SPEF1: variants seen among roughly 807,000 people sequenced by gnomAD.
SPEF1 encodes sperm flagella and cilia-associated protein 1.
In SPEF1, 30 loss-of-function variants were observed where a neutral mutation model predicts 31.8. That is an observed-to-expected ratio of 0.94 (90% CI 0.70 to 1.28). The LOEUF is 1.28. SPEF1 is among the 50% of genes most tolerant of loss of function. SPEF1 has a pLI of 0.00. For missense variants in SPEF1, 298 were observed against 309.6 expected, an observed-to-expected ratio of 0.96 and a Z score of 0.28; for synonymous variants, 126 against 130.1, an observed-to-expected ratio of 0.97 and a Z score of 0.21.
intron 2 of SPEF1, 60 bp from the exon 3 acceptor site, chr20:3,779,412 G>A (rs968747035): frequency 6.9e-7 from 1 of 1,440,358 alleles, no homozygotes; most frequent in Non-Finnish European, 9.6e-7. Context: ...GAGGGGATGG[G>A]GGAGAGGGAA....
intron 4 of SPEF1, 69 bp downstream of exon 4, chr20:3,778,882 A>C: frequency 6.2e-7 from 1 of 1,610,968 alleles, no homozygotes; most frequent in East Asian, 2.2e-5. Flanking sequence ...TTCCACTCTC[A>C]CAAGTGACAG....
At chr20:3,779,922 G>T in intron 1 of SPEF1, 147 bp from the exon 2 acceptor site, 1 of 602,554 alleles carries the variant, frequency 1.7e-6, no homozygotes. Context: ...GGATAAGGAG[G>T]GAGACAAAGA....
intron 1 of SPEF1, among the ~76,000 whole-genome samples, chr20:3,780,959 C>A (rs532091917): frequency 1.3e-5 from 2 of 152,272 alleles, no homozygotes; most frequent in Non-Finnish European, 1.5e-5. Flanking sequence ...GCACCCCCCC[C>A]AACATGCACA....
At position 3,778,292 on chromosome 20, in the gene SPEF1, C is replaced by T; in HGVS notation, c.631G>A (p.Glu211Lys). The change falls in exon 7 of 7, where the codon GAG becomes AAG. Residue 211 changes from glutamate (E) to lysine (K), a missense_variant. Transcript: ENST00000379756. The stretch of plus-strand genomic sequence containing the variant: ...ACATTCTTGAGCTGGAGCAGGTGCT[C>T]CAGGCGCCTTACCTTCATCTGCAGG... ...QVLQMKVRRLEHLLQLKNVRI... is the reference protein window; with the variant it reads ...QVLQMKVRRLKHLLQLKNVRI... 1 of 1,612,508 alleles carries T rather than the reference C, an allele frequency of 6.2e-7. No homozygotes were observed. Among genetic ancestry groups the T allele is most frequent in the Non-Finnish European group, 8.5e-7 (1 of 1,179,024 alleles).
At chr20:3,779,125 C>T (rs1460291903) in intron 3 of SPEF1, 71 bp downstream of exon 3, 31 of 1,546,764 alleles carry the variant, frequency 2.0e-5, no homozygotes, top group Admixed American at 3.9e-5. Flanking sequence ...CCAGGCTGGC[C>T]TTTCTGTGGT....
intron 5 of SPEF1, 32 bp downstream of exon 5, chr20:3,778,714 C>T: frequency 1.9e-6 from 3 of 1,609,666 alleles, no homozygotes; most frequent in Non-Finnish European, 2.6e-6. Context: ...GATCACCAGC[C>T]TGGTGAAGTC....
intron 4 of SPEF1, 50 bp from the exon 5 acceptor site, chr20:3,778,856 G>T: frequency 6.2e-7 from 1 of 1,610,190 alleles, no homozygotes. Context: ...TCATTCTCCT[G>T]CTTCCCCCTC....
chr20:3,779,359 G>A lies in SPEF1; in HGVS notation c.222-7C>T. On this transcript the variant is annotated splice_polypyrimidine_tract_variant and splice_region_variant and intron_variant, in intron 2 of 6. Coordinates refer to ENST00000379756, the MANE Select transcript of SPEF1 (RefSeq NM_015417.5). ...CAGCCTCTTCAGTACCTTCCTGAGG[G>A]GTAGACATTGGGATAGCAGATTGGG... 2 of 1,586,734 alleles carry A rather than the reference G, an allele frequency of 1.3e-6. No homozygotes were observed. The highest frequency in any genetic ancestry group is 1.7e-6 in the Non-Finnish European group (2 of 1,160,370).
At chr20:3,779,389 G>A in intron 2 of SPEF1, 37 bp from the exon 3 acceptor site, 2 of 1,555,198 alleles carry the variant, frequency 1.3e-6, no homozygotes, top group African/African-American at 1.3e-5. Flanking sequence ...ATTGGGTCCT[G>A]GGGAAATGAA....
Position 3,781,290 on chromosome 20 carries a change from G to A in SPEF1, c.-3C>T, listed in dbSNP as rs141413015. On this transcript the variant is annotated 5_prime_UTR_variant, in exon 1 of 7. Coordinates refer to ENST00000379756, the MANE Select transcript of SPEF1 (RefSeq NM_015417.5). ...TCCTCGTCCACGCTGCTCGCCATTGGCGTCCTCACGGCCTGGCCGCCCCAG... is the reference window on the plus strand; with the variant it reads ...TCCTCGTCCACGCTGCTCGCCATTGACGTCCTCACGGCCTGGCCGCCCCAG... The A allele has an allele frequency of 8.8e-3, 14,248 of 1,613,250 alleles. 74 individuals carry two copies. Among genetic ancestry groups the A allele is most frequent in the Non-Finnish European group, 0.011 (12,484 of 1,179,714 alleles).
At position 3,778,180 on chromosome 20, in the gene SPEF1, C is replaced by G. The variant is rs1395525338; in HGVS notation, c.*32G>C. On this transcript the variant is annotated 3_prime_UTR_variant, in exon 7 of 7. Transcript: ENST00000379756. ...CGCGGCGTCGGGGCTCTGGCGGGTA[C>G]CCGGGCGTCCCCGCGCGGCCCGGGC... 6.8e-7 allele frequency: 1 copy of G among 1,468,414 alleles called. No homozygotes were observed. The highest frequency in any genetic ancestry group is 9.2e-7 in the Non-Finnish European group (1 of 1,089,622). The allele number at this position is 1,468,414 out of a possible 1,614,324, so 91.0% of individuals were successfully genotyped here.
chr20:3,778,312 T>G lies in SPEF1; in HGVS notation c.611A>C (p.Gln204Pro). The G allele has an allele frequency of 3.1e-6, 5 of 1,612,706 alleles. No individual in the cohort carries two copies. The highest frequency in any genetic ancestry group is 4.2e-6 in the Non-Finnish European group (5 of 1,179,036). Residue 204 changes from glutamine (Q) to proline (P), a missense_variant, in exon 7 of 7, where the codon CAG (glutamine) becomes CCG (proline). Coordinates refer to ENST00000379756, the MANE Select transcript of SPEF1 (RefSeq NM_015417.5). ...GTGCTCCAGGCGCCTTACCTTCATC[T>G]GCAGGACCTAAGCCGCACCGCGCAG... Reference protein sequence around the residue: ...LASQETVQVLQMKVRRLEHLL... With the variant: ...LASQETVQVLPMKVRRLEHLL...
In SPEF1 at chr20:3,779,359, G is replaced by C; in HGVS notation, c.222-7C>G. 1 of 1,586,734 alleles carries C rather than the reference G, an allele frequency of 6.3e-7. No individual in the cohort carries two copies. Among genetic ancestry groups the C allele is most frequent in the Non-Finnish European group, 8.6e-7 (1 of 1,160,370 alleles). The stretch of plus-strand genomic sequence containing the variant: ...CAGCCTCTTCAGTACCTTCCTGAGG[G>C]GTAGACATTGGGATAGCAGATTGGG... On this transcript the variant is annotated splice_polypyrimidine_tract_variant and splice_region_variant and intron_variant, in intron 2 of 6. Coordinates refer to ENST00000379756, the MANE Select transcript of SPEF1 (RefSeq NM_015417.5).
rs1295114390 is a variant in SPEF1 at position 3,778,079 on chromosome 20, A to G, written c.*133T>C. ...CTCACCCATCCCAAGGAAGGAGGGC[A>G]CTCGGGCCCCAGCAGGCTCGTGAGA... On this transcript the variant is annotated 3_prime_UTR_variant, in exon 7 of 7. Transcript: ENST00000379756. The G allele has an allele frequency of 1.4e-5, 9 of 650,982 alleles. No individual in the cohort carries two copies. The highest frequency in any genetic ancestry group is 2.0e-5 in the Non-Finnish European group (8 of 392,854). The allele number at this position is 650,982 out of a possible 1,614,324, so 40.3% of individuals were successfully genotyped here.
chr20:3,778,201 C>T lies in SPEF1; in HGVS notation c.*11G>A. 1 of 1,543,590 alleles carries T rather than the reference C, an allele frequency of 6.5e-7. No homozygotes were observed. The highest frequency in any genetic ancestry group is 1.9e-4 in the Middle Eastern group (1 of 5,338). On this transcript the variant is annotated 3_prime_UTR_variant, in exon 7 of 7. Coordinates refer to ENST00000379756, the MANE Select transcript of SPEF1 (RefSeq NM_015417.5). ...GGTACCCGGGCGTCCCCGCGCGGCC[C>T]GGGCCGCCGCTCACCGCTGCTTACG...
intron 2 of SPEF1, 132 bp downstream of exon 2, chr20:3,779,532 A>G: frequency 1.1e-6 from 1 of 880,994 alleles, no homozygotes. Context: ...CCTTCCTAAT[A>G]GAAGAGTCTC....
rs781777430 is a variant in SPEF1, at chr20:3,779,260, A to T, written c.314T>A (p.Ile105Asn). 7 of 1,596,072 alleles carry T rather than the reference A, an allele frequency of 4.4e-6. No individual in the cohort carries two copies. In the East Asian group the frequency reaches 1.6e-4, roughly 36 times the overall value. The change falls in exon 3 of 7, where the codon ATC becomes AAC. Residue 105 changes from isoleucine to asparagine, a missense_variant. Ile to Asn is a moderately radical substitution (Grantham distance 149, BLOSUM62 -3). Coordinates refer to ENST00000379756, the MANE Select transcript of SPEF1 (RefSeq NM_015417.5). ...CTCCTCCAGGCGCTGCCTCAGCGGG[A>T]TGAGCACCAGCTCCACCACGCCTGG... ...CAPGVVELVLIPLRQRLEERQ... is the reference protein window; with the variant it reads ...CAPGVVELVLNPLRQRLEERQ...
chr20:3,780,486 A>G (rs2088773565), intron 1 of SPEF1, among the ~76,000 whole-genome samples: 1 of 152,006 alleles, frequency 6.6e-6, no homozygotes, highest in South Asian at 2.1e-4. Context: ...TAAAAGACTC[A>G]CGTAAGCAGA....
chr20:3,779,884 T>C (rs1350342183), intron 1 of SPEF1, 109 bp from the exon 2 acceptor site: 2 of 531,788 alleles, frequency 3.8e-6, no homozygotes, highest in African/African-American at 3.9e-5. Flanking sequence ...TGGAACCCAA[T>C]GGAGGGGTGG....
Sources: gnomAD v4.1 joint callset for allele counts (sites outside exome capture counted in the v4.1 genomes callset) on GRCh38, gnomAD v4.1.1 for gene constraint, MANE v1.5 for transcripts, NCBI Gene and HGNC (gene_info 2026-07-23, HGNC 2026-07-21) for gene names.